MMS22L: variants seen among roughly 807,000 people sequenced by gnomAD.
MMS22L encodes MMS22 like, DNA repair protein.
MMS22L carries 74 observed loss-of-function variants against 159.1 expected under a neutral mutation model. The ratio of observed to expected loss-of-function variants is 0.47; its 90% CI spans 0.39 to 0.56. The LOEUF is 0.56. Ranked by LOEUF, MMS22L falls within the 20% of genes least tolerant of loss-of-function variation. The probability of loss-of-function intolerance (pLI) is 0.00; values close to 1 mark genes in which losing one functional copy is unlikely to be tolerated. For missense variants in MMS22L, 1,351 were observed against 1,422.1 expected, an observed-to-expected ratio of 0.95 and a Z score of 0.80; for synonymous variants, 517 against 506.9, an observed-to-expected ratio of 1.02 and a Z score of -0.27.
intron 14 of MMS22L, among the ~76,000 whole-genome samples, chr6:97,194,784 G>A (rs1487209947): frequency 6.6e-6 from 1 of 152,148 alleles, no homozygotes; most frequent in Admixed American, 6.5e-5. Context: ...AAATGGGCGT[G>A]GAAGAGATTC....
rs545104115 is a variant in MMS22L, at chr6:97,231,660, G to A, written c.1303-8C>T. The A allele has an allele frequency of 1.1e-4, 165 of 1,501,664 alleles. No homozygotes were observed. Among genetic ancestry groups the A allele is most frequent in the Middle Eastern group, 1.1e-3 (6 of 5,706 alleles). The allele number at this position is 1,501,664 out of a possible 1,614,324, so 93.0% of individuals were successfully genotyped here. A position where few individuals can be genotyped will look rare whatever the true frequency, so the allele number is the denominator to read the frequency against. The stretch of plus-strand genomic sequence containing the variant: ...AATACTGAAGGAACTATTCTAAAAG[G>A]GGGGAAAAAAAAGATAGAAAACAAT... On this transcript the variant is annotated splice_region_variant and splice_polypyrimidine_tract_variant and intron_variant, in intron 12 of 24. Coordinates refer to ENST00000683635, the MANE Select transcript of MMS22L (RefSeq NM_001350599.2).
chr6:97,217,468 T>C (rs994425462), intron 14 of MMS22L, among the ~76,000 whole-genome samples: 6 of 152,170 alleles, frequency 3.9e-5, no homozygotes, highest in Non-Finnish European at 5.9e-5. Context: ...TCGGCCAGGC[T>C]GGTCTCAAAC....
Position 97,254,648 on chromosome 6 carries a change from TG to T in MMS22L, c.1027del (p.Gln343SerfsTer6). 6.2e-7 allele frequency: 1 copy of T among 1,613,580 alleles called. No individual in the cohort carries two copies. The highest frequency in any genetic ancestry group is 8.5e-7 in the Non-Finnish European group (1 of 1,179,712). The part of the protein sequence containing the change: ...DRRRSSMPVI[Q>X]SRDPLGFSWW... ...ACTAAAACCTAATGGATCCCTGGAC[TG>T]GATTACAGGCATAGAGGATCTTCTT... On this transcript the variant is annotated frameshift_variant, in exon 10 of 25. Coordinates refer to ENST00000683635, the MANE Select transcript of MMS22L (RefSeq NM_001350599.2). LOFTEE classifies it high-confidence loss of function.
intron 14 of MMS22L, among the ~76,000 whole-genome samples, chr6:97,194,708 G>A (rs1438660850): frequency 6.6e-6 from 1 of 152,096 alleles, no homozygotes; most frequent in East Asian, 1.9e-4. Flanking sequence ...AGGTATAAGT[G>A]CAAAACAAAG....
intron 8 of MMS22L, chr6:97,265,382 C>A (rs1814982757): frequency 6.6e-6 from 1 of 152,014 alleles, no homozygotes; most frequent in Non-Finnish European, 1.5e-5. Flanking sequence ...AAATGTAAGA[C>A]CTGAAACTAT....
intron 20 of MMS22L, among the ~76,000 whole-genome samples, chr6:97,166,423 A>G (rs908776796): frequency 4.6e-5 from 7 of 152,126 alleles, no homozygotes; most frequent in Non-Finnish European, 8.8e-5. Context: ...GTACTTACCC[A>G]ATAAGAAATT....
At chr6:97,216,497 G>GT (rs564707970) in intron 14 of MMS22L, among the ~76,000 whole-genome samples, 111 of 152,176 alleles carry the variant, frequency 7.3e-4, no homozygotes, top group Non-Finnish European at 1.3e-3. Flanking sequence ...ATCATACTGA[G>GT]TTTTTTTAAA....
Position 97,146,845 on chromosome 6 carries a change from T to C in MMS22L, c.3693A>G (p.Gly1231=), listed in dbSNP as rs1319584297. Residue 1231 remains glycine, a synonymous_variant, in exon 25 of 25, where the codon GGA becomes GGG. Transcript: ENST00000683635. ...TTTCCAGTCTCTGCATCTCATCTTG[T>C]CCCATCTGTCCAAGGTGAGACAAAA... The part of the protein sequence containing the change: ...SKLLSHLGQM[G]QDEMQRLEND... 1 of 1,575,274 alleles carries C rather than the reference T, an allele frequency of 6.3e-7. No homozygotes were observed. The highest frequency in any genetic ancestry group is 1.2e-5 in the South Asian group (1 of 84,430).
intron 2 of MMS22L, among the ~76,000 whole-genome samples, chr6:97,281,877 C>T (rs1562536751): frequency 6.6e-6 from 1 of 152,066 alleles, no homozygotes; most frequent in African/African-American, 2.4e-5. Context: ...TGTACCTGCC[C>T]AAGGCAAAAT....
chr6:97,269,889 T>G lies in MMS22L; in HGVS notation c.697+13A>C, dbSNP rs768781184. The G allele has an allele frequency of 1.9e-6, 3 of 1,583,922 alleles. No homozygotes were observed. The African/African-American group carries it at 4.0e-5, about 21-fold the overall frequency. ...TTTTAAAAAGAATATAAATCATAAATCCATAAACTTACTCAATTTTTCACC... is the reference window on the plus strand; with the variant it reads ...TTTTAAAAAGAATATAAATCATAAAGCCATAAACTTACTCAATTTTTCACC... On this transcript the variant is annotated intron_variant, in intron 7 of 24. Coordinates refer to ENST00000683635, the MANE Select transcript of MMS22L (RefSeq NM_001350599.2).
chr6:97,170,874 G>A (rs557749597), intron 19 of MMS22L, among the ~76,000 whole-genome samples: 1 of 152,148 alleles, frequency 6.6e-6, no homozygotes, highest in East Asian at 1.9e-4. Flanking sequence ...AGGCATGGTG[G>A]TGCACATCTG....
intron 19 of MMS22L, among the ~76,000 whole-genome samples, chr6:97,170,785 C>A (rs1803463354): frequency 6.6e-6 from 1 of 152,086 alleles, no homozygotes; most frequent in Non-Finnish European, 1.5e-5. Flanking sequence ...GGCAGGCAGG[C>A]TGCTTGAGCC....
At chr6:97,178,926 T>C (rs548878425) in intron 17 of MMS22L, among the ~76,000 whole-genome samples, 3 of 152,210 alleles carry the variant, frequency 2.0e-5, no homozygotes, top group African/African-American at 7.2e-5. Flanking sequence ...ACAACAGAAC[T>C]GCATGGGACA....
At chr6:97,167,243 T>C (rs574642337) in intron 20 of MMS22L, among the ~76,000 whole-genome samples, 5 of 152,240 alleles carry the variant, frequency 3.3e-5, no homozygotes, top group South Asian at 4.1e-4. Flanking sequence ...CGTTAGTAAG[T>C]AGAACTACTA....
intron 14 of MMS22L, among the ~76,000 whole-genome samples, chr6:97,218,196 C>G (rs1019027906): frequency 1.3e-5 from 2 of 152,132 alleles, no homozygotes; most frequent in African/African-American, 4.8e-5. Flanking sequence ...CTGGGAAGAA[C>G]AAACCTCCTA....
In MMS22L at chr6:97,229,086, T is replaced by C. The variant is rs147783804; in HGVS notation, c.1847A>G (p.Gln616Arg). Residue 616 changes from glutamine (Q) to arginine (R), a missense_variant, in exon 14 of 25, where the codon CAG becomes CGG. Coordinates refer to ENST00000683635, the MANE Select transcript of MMS22L (RefSeq NM_001350599.2). ...AAGAAGGGTCCAGATAGTCTGTCTC[T>C]GTACCATTTCCTCATTCTTAGACAC... Reference protein sequence around the residue: ...FLVSKNEEMVQRQTIWTLLSI... With the variant: ...FLVSKNEEMVRRQTIWTLLSI... 384 of 1,614,076 alleles carry C rather than the reference T, an allele frequency of 2.4e-4. 1 individual carries two copies. Among genetic ancestry groups the C allele is most frequent in the Non-Finnish European group, 3.1e-4 (370 of 1,180,010 alleles).
At chr6:97,252,512 G>T (rs967714965) in intron 10 of MMS22L, among the ~76,000 whole-genome samples, 1 of 151,882 alleles carries the variant, frequency 6.6e-6, no homozygotes, top group African/African-American at 2.4e-5. Context: ...GGGCGTGGTG[G>T]TGTGTACCTG....
At chr6:97,243,879 G>C (rs965462295) in intron 11 of MMS22L, among the ~76,000 whole-genome samples, 1 of 152,078 alleles carries the variant, frequency 6.6e-6, no homozygotes, top group Non-Finnish European at 1.5e-5. Flanking sequence ...GGCTGGTACT[G>C]GGGTGGGGGG....
chr6:97,190,257 C>T (rs1805729533), intron 14 of MMS22L, among the ~76,000 whole-genome samples: 1 of 152,082 alleles, frequency 6.6e-6, no homozygotes, highest in South Asian at 2.1e-4. Context: ...TTTTATGAGG[C>T]ATTATTTACC....
Sources: gnomAD v4.1 joint callset for allele counts (sites outside exome capture counted in the v4.1 genomes callset) on GRCh38, gnomAD v4.1.1 for gene constraint, MANE v1.5 for transcripts, NCBI Gene and HGNC (gene_info 2026-07-23, HGNC 2026-07-21) for gene names.